Variants in SEZ6 observed in about 807,000 individuals in gnomAD.
SEZ6 encodes seizure protein 6 homolog.
In SEZ6, 53 loss-of-function variants were observed where a neutral mutation model predicts 101.0. That is an observed-to-expected ratio of 0.52 (90% confidence interval 0.42 to 0.66). The LOEUF (loss-of-function observed/expected upper bound fraction) is 0.66, where lower values mean the gene tolerates loss of function less well. Among genes scored for constraint, SEZ6 ranks in the 30% least tolerant of loss-of-function variants. The pLI is 0.00. For missense variants in SEZ6, 1,102 were observed against 1,289.4 expected (o/e 0.85, Z 2.23); for synonymous variants, 488 against 512.2 (o/e 0.95, Z 0.64).
chr17:28,961,114 T>C, intron 5 of SEZ6, 141 bp from the exon 6 acceptor site: 2 of 1,070,486 alleles, frequency 1.9e-6, no homozygotes, highest in Non-Finnish European at 2.7e-6. Context: ...GCCCTCATCG[T>C]CCTGAAGGTC....
At chr17:28,963,728 A>G (rs550666661) in intron 5 of SEZ6, among the ~76,000 whole-genome samples, 62 of 152,288 alleles carry the variant, frequency 4.1e-4, no homozygotes, top group African/African-American at 1.3e-3. Flanking sequence ...TTTCCTGGAA[A>G]TGTGGGTTCT....
At chr17:28,971,533 C>T (rs1356233513) in intron 3 of SEZ6, among the ~76,000 whole-genome samples, 1 of 151,684 alleles carries the variant, frequency 6.6e-6, no homozygotes, top group Admixed American at 6.6e-5. Flanking sequence ...GCGGAGGTTG[C>T]GGTGAGCCGA....
chr17:28,997,669 C>T (rs2041560405), intron 1 of SEZ6, among the ~76,000 whole-genome samples: 1 of 152,190 alleles, frequency 6.6e-6, no homozygotes, highest in Non-Finnish European at 1.5e-5. Flanking sequence ...GGAGGGGCTC[C>T]TCTCAAGGGG....
chr17:29,003,622 C>T (rs910662118), intron 1 of SEZ6, among the ~76,000 whole-genome samples: 4 of 152,208 alleles, frequency 2.6e-5, no homozygotes, highest in Admixed American at 6.5e-5. Context: ...CCAGGAACCC[C>T]GGGATGGCCA....
chr17:28,960,531 G>C lies in SEZ6; in HGVS notation c.1550C>G (p.Ala517Gly), dbSNP rs1567983458. Residue 517 changes from alanine to glycine, a missense_variant, in exon 7 of 17, where the codon GCT becomes GGT. Ala to Gly is a moderately conservative substitution (Grantham distance 60, BLOSUM62 0). Transcript: ENST00000317338. ...VELSTDSSGA[A>G]AGMALRYEAF... ...CTCATAGCGCAGGGCCATGCCTGCA[G>C]CTGCCCCGCTGCTGTCAGTACTGAG... 2 of 1,592,736 alleles carry C rather than the reference G, an allele frequency of 1.3e-6. No homozygotes were observed. Among genetic ancestry groups the C allele is most frequent in the Non-Finnish European group, 1.7e-6 (2 of 1,170,164 alleles).
intron 3 of SEZ6, 67 bp downstream of exon 3, chr17:28,979,613 T>C (rs2041269675): frequency 6.2e-7 from 1 of 1,606,630 alleles, no homozygotes; most frequent in Non-Finnish European, 8.5e-7. Context: ...TCTCATAGCA[T>C]GTGCCTCTCT....
Position 29,005,825 on chromosome 17 carries a change from G to A in SEZ6, c.45C>T (p.Leu15=). 6.1e-6 allele frequency: 9 copies of A among 1,486,334 alleles called. No individual in the cohort carries two copies. The highest frequency in any genetic ancestry group is 8.0e-6 in the Non-Finnish European group (9 of 1,118,586). The allele number at this position is 1,486,334 out of a possible 1,614,324, so 92.1% of individuals were successfully genotyped here. A position where few individuals can be genotyped will look rare whatever the true frequency, so the allele number is the denominator to read the frequency against. The part of the protein sequence containing the change: ...ALLLLPSLLA[L]LAHGLSLEAP... ...GCCGGGGTCCCTTACCGTGAGCCAG[G>A]AGCGCCAGCAGCGAGGGCAGGAGCA... Residue 15 remains leucine (L), a synonymous_variant, in exon 1 of 17, where the codon CTC becomes CTT. Coordinates refer to ENST00000317338, the MANE Select transcript of SEZ6 (RefSeq NM_178860.5). This position sits in a 1 kb window ranked among gnomAD's most constrained non-coding sequence, Gnocchi z 4.8.
At chr17:28,980,479 C>T (rs2041284630) in intron 2 of SEZ6, among the ~76,000 whole-genome samples, 1 of 151,814 alleles carries the variant, frequency 6.6e-6, no homozygotes, top group African/African-American at 2.4e-5. Context: ...ACGCCATTCT[C>T]CTGCCTCAGC....
intron 1 of SEZ6, among the ~76,000 whole-genome samples, chr17:29,003,380 C>T (rs1228529810): frequency 6.6e-6 from 1 of 152,228 alleles, no homozygotes; most frequent in Non-Finnish European, 1.5e-5. Flanking sequence ...TTGGGCCAAG[C>T]CCAGCACGAT....
chr17:28,988,826 C>A (rs182136607), intron 1 of SEZ6, among the ~76,000 whole-genome samples: 371 of 152,336 alleles, frequency 2.4e-3, no homozygotes, highest in Non-Finnish European at 4.4e-3. Context: ...AAGAGGAAAC[C>A]AAGTCCAGGG....
At chr17:28,982,385 T>A (rs2041321188) in intron 1 of SEZ6, among the ~76,000 whole-genome samples, 1 of 152,200 alleles carries the variant, frequency 6.6e-6, no homozygotes, top group Non-Finnish European at 1.5e-5. Context: ...TGACAAATAT[T>A]TGCCATCCCT....
Position 28,981,364 on chromosome 17 carries a change from A to G in SEZ6, c.724+7T>C. ...TTTCCACATCTGCAAGCCAGCAGGT[A>G]GCTGACCTGGTGTCTGGACTGTGGT... is the stretch of plus-strand genomic sequence containing the variant. On this transcript the variant is annotated splice_region_variant and intron_variant, in intron 2 of 16. Coordinates refer to ENST00000317338, the MANE Select transcript of SEZ6 (RefSeq NM_178860.5). 1.3e-6 allele frequency: 2 copies of G among 1,538,142 alleles called. No homozygotes were observed. Among genetic ancestry groups the G allele is most frequent in the South Asian group, 1.2e-5 (1 of 83,012 alleles).
intron 10 of SEZ6, among the ~76,000 whole-genome samples, chr17:28,958,375 T>C (rs1198513464): frequency 6.6e-6 from 1 of 152,236 alleles, no homozygotes; most frequent in Non-Finnish European, 1.5e-5. Context: ...CAAAAGCACC[T>C]TGACCAGTTC....
In SEZ6 at chr17:28,959,460, C is replaced by A; in HGVS notation, c.1784G>T (p.Gly595Val). Residue 595 changes from glycine to valine, a missense_variant, in exon 9 of 17, where the codon GGG becomes GTG. By Grantham distance (109) the Gly-to-Val change is moderately radical. Coordinates refer to ENST00000317338, the MANE Select transcript of SEZ6 (RefSeq NM_178860.5). This position sits in a 1 kb window ranked among gnomAD's most constrained non-coding sequence, Gnocchi z 4.4. Reference protein sequence around the residue: ...TEPACRAVCSGEITDSAGVVL... With the variant: ...TEPACRAVCSVEITDSAGVVL... ...CACGCCAGCCGAGTCTGTGATCTCC[C>A]CGCTGCACACGGCTGGAAGGCAGAG... 6.2e-7 allele frequency: 1 copy of A among 1,613,378 alleles called. No homozygotes were observed. Among genetic ancestry groups the A allele is most frequent in the Non-Finnish European group, 8.5e-7 (1 of 1,179,860 alleles).
rs748167989 is a variant in SEZ6 at position 28,958,123 on chromosome 17, G to A, written c.2126C>T (p.Thr709Ile). Residue 709 changes from threonine (T) to isoleucine (I), a missense_variant, in exon 11 of 17, where the codon ACA becomes ATA. Physicochemically the swap from Thr to Ile is moderately conservative, Grantham distance 89. Coordinates refer to ENST00000317338, the MANE Select transcript of SEZ6 (RefSeq NM_178860.5). Reference protein sequence around the residue: ...IHFFEVPRNDTCPELPEIPNG... With the variant: ...IHFFEVPRNDICPELPEIPNG... ...GGGGATCTCAGGCAGCTCCGGACAT[G>A]TGTCATTGCGGGGCACCTCTGGGGG... 1.9e-6 allele frequency: 3 copies of A among 1,596,852 alleles called. No individual in the cohort carries two copies. The highest frequency in any genetic ancestry group is 1.1e-5 in the South Asian group (1 of 90,670).
intron 3 of SEZ6, among the ~76,000 whole-genome samples, chr17:28,976,677 G>A (rs892575679): frequency 1.3e-5 from 2 of 152,186 alleles, no homozygotes; most frequent in African/African-American, 4.8e-5. Context: ...GAAGGACGCT[G>A]CTCTTGGGCT....
chr17:28,977,018 TGCCCA>T (rs1290353565), intron 3 of SEZ6, among the ~76,000 whole-genome samples: 1 of 152,260 alleles, frequency 6.6e-6, no homozygotes, highest in African/African-American at 2.4e-5. Context: ...GTGTCCCCAG[TGCCCA>T]GCGCAGAGCA....
At chr17:28,971,204 TC>T (rs1390004394) in intron 3 of SEZ6, among the ~76,000 whole-genome samples, 1 of 152,234 alleles carries the variant, frequency 6.6e-6, no homozygotes, top group African/African-American at 2.4e-5. Context: ...AACTTCAGTT[TC>T]CTCATTTTAT....
chr17:29,003,550 C>T (rs552416582), intron 1 of SEZ6, among the ~76,000 whole-genome samples: 12 of 152,340 alleles, frequency 7.9e-5, no homozygotes, highest in South Asian at 4.1e-4. Context: ...CCCCTCGGGC[C>T]GAAAAGGCTC....
Sources: allele counts gnomAD v4.1 joint callset (sites outside exome capture counted in the v4.1 genomes callset), GRCh38; gene constraint gnomAD v4.1.1; non-coding constraint Gnocchi (gnomAD v3.1); transcripts MANE v1.5; gene names NCBI Gene and HGNC (gene_info 2026-07-23, HGNC 2026-07-21).